ITGB1: variants seen among roughly 807,000 people sequenced by gnomAD.
ITGB1 encodes the protein integrin beta-1.
In ITGB1, 24 loss-of-function variants were observed where a neutral mutation model predicts 86.5. That is an observed-to-expected ratio of 0.28 (90% CI 0.20 to 0.39). The LOEUF is 0.39. Ranked by LOEUF, ITGB1 falls within the 10% of genes least tolerant of loss-of-function variation. ITGB1 has a pLI of 1.00. For missense variants in ITGB1, 556 were observed against 946.9 expected, an observed-to-expected ratio of 0.59 and a Z score of 5.42; for synonymous variants, 323 against 316.8, an observed-to-expected ratio of 1.02 and a Z score of -0.21.
intron 15 of ITGB1, among the ~76,000 whole-genome samples, chr10:32,907,329 C>T (rs2094899533): frequency 1.3e-5 from 2 of 152,116 alleles, no homozygotes; most frequent in South Asian, 4.1e-4. Context: ...AATTCATTTA[C>T]AATTTAAAAA....
intron 2 of ITGB1, chr10:32,933,219 T>C (rs1045343771): frequency 1.3e-5 from 2 of 152,298 alleles, no homozygotes; most frequent in South Asian, 2.1e-4. Flanking sequence ...ACATAAGTTA[T>C]CTTCCTTGTC....
At chr10:32,936,536 A>C (rs1182395920) in intron 1 of ITGB1, among the ~76,000 whole-genome samples, 2 of 152,122 alleles carry the variant, frequency 1.3e-5, no homozygotes, top group Non-Finnish European at 2.9e-5. Context: ...CCCCCAACAA[A>C]AAAAAAGAGG....
intron 1 of ITGB1, among the ~76,000 whole-genome samples, chr10:32,946,537 T>G (rs2095031549): frequency 6.6e-6 from 1 of 152,130 alleles, no homozygotes; most frequent in South Asian, 2.1e-4. Flanking sequence ...TGGCTGCTGA[T>G]GTACTGTGAC....
At chr10:32,944,857 C>A in intron 1 of ITGB1, 2 of 1,261,746 alleles carry the variant, frequency 1.6e-6, no homozygotes, top group South Asian at 1.2e-5. Context: ...GGGATCCTCT[C>A]ATTCAGCATG....
intron 1 of ITGB1, among the ~76,000 whole-genome samples, chr10:32,948,071 C>A (rs1037816911): frequency 5.3e-5 from 8 of 150,394 alleles, no homozygotes; most frequent in Non-Finnish European, 1.0e-4. Flanking sequence ...AGGGAAGACA[C>A]AAGATATGAA....
At chr10:32,919,296 T>C (rs2094941457) in intron 11 of ITGB1, among the ~76,000 whole-genome samples, 1 of 152,244 alleles carries the variant, frequency 6.6e-6, no homozygotes, top group Admixed American at 6.5e-5. Context: ...TTTTTCATTT[T>C]CAATTACAAA....
In ITGB1 at chr10:32,910,360, C is replaced by T. The variant is rs199935806; in HGVS notation, c.2027G>A (p.Arg676Gln). ...TTGGACCGGCTGGGGTAATTTGTCCCGACTTTCTACCTTGGTAATGTTAAA... is the reference window on the plus strand; with the variant it reads ...TTGGACCGGCTGGGGTAATTTGTCCTGACTTTCTACCTTGGTAATGTTAAA... The part of the protein sequence containing the change: ...SYFNITKVES[R>Q]DKLPQPVQPD... The change falls in exon 14 of 16, where the codon CGG becomes CAG. Residue 676 changes from arginine (R) to glutamine (Q), a missense_variant. Around this residue, in one of 4 missense-constraint regions of ITGB1, gnomAD observed 330 missense variants for 531.5 expected, o/e 0.62. Transcript: ENST00000302278. The T allele has an allele frequency of 5.6e-6, 9 of 1,599,718 alleles. No homozygotes were observed. The Middle Eastern group carries it at 5.0e-4, about 88-fold the overall frequency.
intron 11 of ITGB1, among the ~76,000 whole-genome samples, chr10:32,917,792 C>G (rs1323043347): frequency 6.6e-6 from 1 of 152,172 alleles, no homozygotes; most frequent in African/African-American, 2.4e-5. Context: ...GTAGCGATTC[C>G]TCAAGGATCT....
At chr10:32,956,236 C>T (rs1434888940) in intron 1 of ITGB1, among the ~76,000 whole-genome samples, 1 of 152,116 alleles carries the variant, frequency 6.6e-6, no homozygotes, top group African/African-American at 2.4e-5. Context: ...CCCTCTGGGC[C>T]TTGATGTCCA....
At chr10:32,951,865 C>G (rs1465139442) in intron 1 of ITGB1, 1 of 152,178 alleles carries the variant, frequency 6.6e-6, no homozygotes, top group East Asian at 1.9e-4. Context: ...CCAGCATGAT[C>G]AACGGTATCA....
In ITGB1 at chr10:32,912,039, C is replaced by T. The variant is rs1276253145; in HGVS notation, c.1555G>A (p.Glu519Lys). The T allele has an allele frequency of 6.2e-7, 1 of 1,614,232 alleles. No homozygotes were observed. Among genetic ancestry groups the T allele is most frequent in the Non-Finnish European group, 8.5e-7 (1 of 1,180,044 alleles). ...SEDMDAYCRK[E>K]NSSEICSNNG... ...TTACTGCAGATTTCTGAACTGTTTT[C>T]TTTCCTGCAGTAAGCATCCATGTCT... Residue 519 changes from glutamate (E) to lysine (K), a missense_variant, in exon 12 of 16, where the codon GAA becomes AAA. Physicochemically the swap from Glu to Lys is moderately conservative, Grantham distance 56. Transcript: ENST00000302278.
chr10:32,953,593 A>C (rs1482435320), intron 1 of ITGB1: 1 of 152,142 alleles, frequency 6.6e-6, no homozygotes, highest in South Asian at 2.1e-4. Context: ...CTCTACTTAC[A>C]TCAGGCAGCA....
chr10:32,919,595 T>G (rs987503476), intron 11 of ITGB1, among the ~76,000 whole-genome samples: 1 of 152,202 alleles, frequency 6.6e-6, no homozygotes, highest in Non-Finnish European at 1.5e-5. Flanking sequence ...GAAAATTGAT[T>G]GCTCTCACAT....
chr10:32,925,900 C>G lies in ITGB1; in HGVS notation c.757G>C (p.Asp253His). 1 of 1,613,556 alleles carries G rather than the reference C, an allele frequency of 6.2e-7. No homozygotes were observed. The highest frequency in any genetic ancestry group is 8.5e-7 in the Non-Finnish European group (1 of 1,179,458). Residue 253 changes from aspartate (D) to histidine (H), a missense_variant, in exon 6 of 16, where the codon GAT becomes CAT. Coordinates refer to ENST00000302278, the MANE Select transcript of ITGB1 (RefSeq NM_002211.4). ...CAAACTGCAACTTGCATGATGGCAT[C>G]GAAACCACCTTCTGGAGAATCCAAA... Reference protein sequence around the residue: ...GNLDSPEGGFDAIMQVAVCGS... With the variant: ...GNLDSPEGGFHAIMQVAVCGS...
intron 8 of ITGB1, 99 bp from the exon 9 acceptor site, chr10:32,922,445 T>C (rs2094953137): frequency 9.1e-6 from 8 of 874,554 alleles, no homozygotes; most frequent in Non-Finnish European, 1.5e-5. Flanking sequence ...AGTTCCCATG[T>C]TTCCTCCTAA....
chr10:32,907,002 C>G, intron 15 of ITGB1: 2 of 743,386 alleles, frequency 2.7e-6, no homozygotes, highest in Non-Finnish European at 4.3e-6. Context: ...AAAGGACACA[C>G]AGTGCAGTAA....
intron 1 of ITGB1, among the ~76,000 whole-genome samples, chr10:32,948,894 C>A (rs1318284850): frequency 2.0e-5 from 3 of 147,200 alleles, no homozygotes; most frequent in African/African-American, 7.4e-5. Flanking sequence ...GACTAGAATA[C>A]CAATTCTGTG....
intron 12 of ITGB1, 81 bp downstream of exon 12, chr10:32,911,805 C>A: frequency 1.4e-6 from 2 of 1,430,914 alleles, no homozygotes; most frequent in Non-Finnish European, 9.7e-7. Context: ...CCCTTTTCTA[C>A]TTATGCACCA....
intron 11 of ITGB1, 112 bp from the exon 12 acceptor site, chr10:32,912,236 G>T (rs2094915728): frequency 2.5e-6 from 2 of 803,244 alleles, no homozygotes; most frequent in Admixed American, 4.8e-5. Flanking sequence ...GAGCGACACA[G>T]AAGACAGGTG....
Sources: gnomAD v4.1 joint callset for allele counts (sites outside exome capture counted in the v4.1 genomes callset) on GRCh38, gnomAD v4.1.1 for gene constraint, gnomAD v4.1.1 regional missense constraint, MANE v1.5 for transcripts, NCBI Gene and HGNC (gene_info 2026-07-23, HGNC 2026-07-21) for gene names.